TTF1: variants seen among roughly 807,000 people sequenced by gnomAD.
TTF1 encodes the protein transcription termination factor 1.
Under a neutral mutation model 80.2 loss-of-function variants are expected in TTF1, and 64 were observed. The observed-to-expected ratio is 0.80, with a 90% CI of 0.65 to 0.98. The LOEUF is 0.98. Ranked by LOEUF, TTF1 falls within the 50% of genes least tolerant of loss-of-function variation. The pLI is 0.00. For missense variants in TTF1, 1,023 were observed against 1,086.2 expected, an observed-to-expected ratio of 0.94 and a Z score of 0.82; for synonymous variants, 372 against 382.7, an observed-to-expected ratio of 0.97 and a Z score of 0.33.
intron 3 of TTF1, among the ~76,000 whole-genome samples, chr9:132,399,420 C>T (rs1589826077): frequency 6.6e-6 from 1 of 151,964 alleles, no homozygotes; most frequent in African/African-American, 2.4e-5. Flanking sequence ...TTTTCAATGA[C>T]CAGTTGTATT....
At chr9:132,386,376 T>G (rs1457992472) in intron 9 of TTF1, among the ~76,000 whole-genome samples, 180 bp downstream of exon 9, 10 of 152,202 alleles carry the variant, frequency 6.6e-5, no homozygotes, top group Admixed American at 5.9e-4. Context: ...GCTCCTAAAA[T>G]TACAGTTTCC....
intron 9 of TTF1, 175 bp from the exon 10 acceptor site, chr9:132,379,319 C>A: frequency 2.2e-6 from 1 of 459,010 alleles, no homozygotes; most frequent in Non-Finnish European, 3.8e-6. Context: ...ATATGGAAAG[C>A]TATTGTTTAT....
In TTF1 at chr9:132,384,077, A is replaced by C. The variant is rs1438890525; in HGVS notation, c.2378+2479T>G. ...GCTGCAAAGTATGTAAAATTTACCAAAACAGATAACAGTAATTGGAGGGAG... is the reference window on the plus strand; with the variant it reads ...GCTGCAAAGTATGTAAAATTTACCACAACAGATAACAGTAATTGGAGGGAG... On this transcript the variant is annotated intron_variant, in intron 9 of 10. Coordinates refer to ENST00000334270, the MANE Select transcript of TTF1 (RefSeq NM_007344.4). This position sits in a 1 kb window ranked among gnomAD's most constrained non-coding sequence, Gnocchi z 4.1. 6.6e-6 allele frequency among the ~76,000 whole-genome samples: 1 copy of C among 152,208 alleles called. No homozygotes were observed. Among genetic ancestry groups the C allele is most frequent in the East Asian group, 1.9e-4 (1 of 5,200 alleles).
In TTF1 at chr9:132,390,744, T is replaced by C; in HGVS notation, c.2075A>G (p.Gln692Arg). The C allele has an allele frequency of 6.2e-7, 1 of 1,614,234 alleles. No homozygotes were observed. Among genetic ancestry groups the C allele is most frequent in the South Asian group, 1.1e-5 (1 of 91,082 alleles). The change falls in exon 7 of 11, where the codon CAG becomes CGG. Residue 692 changes from glutamine (Q) to arginine (R), a missense_variant. Transcript: ENST00000334270. Reference protein sequence around the residue: ...EEVILKKMSPQELKEVDSKLQ... With the variant: ...EEVILKKMSPRELKEVDSKLQ... ...TTTGGAATCCACCTCTTTTAACTCC[T>C]GGGGAGACATCTTCTTCAGAATCAC...
In TTF1 at chr9:132,393,277, C is replaced by G. The variant is rs867915578; in HGVS notation, c.1857-1071G>C. 1.3e-4 allele frequency among the ~76,000 whole-genome samples: 20 copies of G among 151,914 alleles called. No individual in the cohort carries two copies. In the South Asian group the frequency reaches 2.3e-3, roughly 17 times the overall value. ...ATACATGTTGGGAGCAAGCCCCCCC[C>G]GCAAACTGGCCATAAACAGAATCTC... On this transcript the variant is annotated intron_variant, in intron 5 of 10. Coordinates refer to ENST00000334270, the MANE Select transcript of TTF1 (RefSeq NM_007344.4).
intron 8 of TTF1, 81 bp from the exon 9 acceptor site, chr9:132,386,702 G>C: frequency 8.4e-7 from 1 of 1,190,622 alleles, no homozygotes; most frequent in South Asian, 1.3e-5. Flanking sequence ...AGTGCTGAGA[G>C]CTGGAAGGTA....
rs770886165 is a variant in TTF1 at position 132,390,737 on chromosome 9, T to A, written c.2082A>T (p.Leu694Phe). Residue 694 changes from leucine (L) to phenylalanine (F), a missense_variant, in exon 7 of 11, where the codon TTA becomes TTT. Transcript: ENST00000334270. Reference sequence around the variant, plus strand: ...CTTGGAGTTTGGAATCCACCTCTTTTAACTCCTGGGGAGACATCTTCTTCA... The same window carrying A: ...CTTGGAGTTTGGAATCCACCTCTTTAAACTCCTGGGGAGACATCTTCTTCA... ...VILKKMSPQE[L>F]KEVDSKLQEN... 2 of 1,614,244 alleles carry A rather than the reference T, an allele frequency of 1.2e-6. No homozygotes were observed. The highest frequency in any genetic ancestry group is 8.5e-7 in the Non-Finnish European group (1 of 1,180,042).
chr9:132,394,265 A>G (rs148756250), intron 5 of TTF1, among the ~76,000 whole-genome samples: 59 of 151,956 alleles, frequency 3.9e-4, no homozygotes, highest in Admixed American at 9.8e-4. Flanking sequence ...TATGGTGAAT[A>G]GAAACTGGTT....
intron 5 of TTF1, among the ~76,000 whole-genome samples, chr9:132,393,926 T>C (rs1849603371): frequency 6.6e-6 from 1 of 151,996 alleles, no homozygotes; most frequent in Non-Finnish European, 1.5e-5. Flanking sequence ...CAATTTCTTT[T>C]TTTTTTTTTC....
At chr9:132,377,591 G>A (rs1044011494) in intron 10 of TTF1, among the ~76,000 whole-genome samples, 2 of 66,638 alleles carry the variant, frequency 3.0e-5, no homozygotes, top group African/African-American at 8.6e-5. Flanking sequence ...GTGTGTGAGT[G>A]CATGTGGTGT....
intron 10 of TTF1, among the ~76,000 whole-genome samples, chr9:132,378,609 TGTG>T (rs1265308427): frequency 7.5e-6 from 1 of 132,792 alleles, no homozygotes; most frequent in Non-Finnish European, 1.6e-5. Context: ...TGTGAGTGCA[TGTG>T]GTGTGAGTGC....
At chr9:132,401,218 C>T (rs918987421) in intron 2 of TTF1, among the ~76,000 whole-genome samples, 11 of 152,002 alleles carry the variant, frequency 7.2e-5, no homozygotes, top group Non-Finnish European at 1.3e-4. Flanking sequence ...CTCAGCTACT[C>T]AGGAGGCTGA....
chr9:132,379,053 A>G lies in TTF1; in HGVS notation c.2464+6T>C. On this transcript the variant is annotated splice_donor_region_variant and intron_variant, in intron 10 of 10. Coordinates refer to ENST00000334270, the MANE Select transcript of TTF1 (RefSeq NM_007344.4). The stretch of plus-strand genomic sequence containing the variant: ...TCTTAGCCATATAAATATTAAGAAT[A>G]CTAACCTGGAAAAGTCTTTTTCTGC... The G allele has an allele frequency of 6.3e-7, 1 of 1,594,072 alleles. No individual in the cohort carries two copies. The highest frequency in any genetic ancestry group is 8.5e-7 in the Non-Finnish European group (1 of 1,172,178).
rs527813322 is a variant in TTF1 at position 132,384,649 on chromosome 9, GTTTC to G, written c.2378+1903_2378+1906del. Among the ~76,000 whole-genome samples the G allele has an allele frequency of 1.7e-4, 26 of 151,968 alleles. No homozygotes were observed. The highest frequency in any genetic ancestry group is 2.9e-4 in the Non-Finnish European group (20 of 67,972). On this transcript the variant is annotated intron_variant, in intron 9 of 10. Transcript: ENST00000334270. The surrounding 1 kb of genome is among the most constrained non-coding windows in gnomAD (Gnocchi z 4.1). ...CACTTTTCACTGTGTTTCCTTTCAG[GTTTC>G]TTTCTTTCTTTCTTTTCTTTTGAGA...
chr9:132,388,304 T>C (rs1226258874), intron 7 of TTF1, 76 bp from the exon 8 acceptor site: 2 of 1,051,508 alleles, frequency 1.9e-6, no homozygotes, highest in Non-Finnish European at 2.7e-6. Context: ...ATTTTTCTTA[T>C]CTAAATTGCT....
chr9:132,377,392 GGTGTGAGTGCATGTGGTGT>G (rs1849216409), intron 10 of TTF1, among the ~76,000 whole-genome samples: 1 of 122,234 alleles, frequency 8.2e-6, no homozygotes. Context: ...GAGTGCATGT[GGTGTGAGTGCATGTGGTGT>G]GTGTGAGTGC....
intron 7 of TTF1, among the ~76,000 whole-genome samples, chr9:132,389,207 G>C (rs2131633049): frequency 6.8e-6 from 1 of 147,234 alleles, no homozygotes; most frequent in Admixed American, 6.7e-5. Flanking sequence ...TTTTGAGACG[G>C]AGTCTGGCAC....
intron 8 of TTF1, among the ~76,000 whole-genome samples, chr9:132,387,268 C>T (rs965067815): frequency 9.9e-5 from 15 of 152,116 alleles, no homozygotes; most frequent in Non-Finnish European, 2.1e-4. Flanking sequence ...CCTTAAAGTG[C>T]GCAAATTCAT....
intron 8 of TTF1, among the ~76,000 whole-genome samples, chr9:132,387,125 T>C (rs975187911): frequency 2.6e-5 from 4 of 152,122 alleles, no homozygotes; most frequent in African/African-American, 9.7e-5. Flanking sequence ...GCCCGGCTAA[T>C]TTTTTAGATT....
Sources: gnomAD v4.1 joint callset for allele counts (sites outside exome capture counted in the v4.1 genomes callset) on GRCh38, gnomAD v4.1.1 for gene constraint, Gnocchi (gnomAD v3.1) non-coding constraint, MANE v1.5 for transcripts, NCBI Gene and HGNC (gene_info 2026-07-23, HGNC 2026-07-21) for gene names.